Variants in RBFOX1 observed in about 807,000 individuals in gnomAD.
RBFOX1 encodes RNA binding fox-1 homolog 1.
In RBFOX1, 8 loss-of-function variants were observed where a neutral mutation model predicts 57.7. The ratio of observed to expected loss-of-function variants is 0.14; its 90% CI spans 0.08 to 0.25. The LOEUF is 0.25. RBFOX1 is among the 10% of genes least tolerant of loss of function. The pLI is 1.00. For synonymous variants in RBFOX1, 326 were observed against 222.4 expected (o/e 1.47, Z -4.15); for missense variants, 611 against 548.5 (o/e 1.11, Z -1.14).
intron 2 of RBFOX1, among the ~76,000 whole-genome samples, chr16:6,472,537 G>T (rs2095200589): frequency 6.6e-6 from 1 of 152,092 alleles, no homozygotes; most frequent in Non-Finnish European, 1.5e-5. Context: ...GGAGTGAAGG[G>T]ATTTGGGGAA....
At chr16:7,622,795 G>A (rs1449427533) in intron 10 of RBFOX1, among the ~76,000 whole-genome samples, 2 of 152,104 alleles carry the variant, frequency 1.3e-5, no homozygotes, top group Non-Finnish European at 2.9e-5. Context: ...CATTTTTTCT[G>A]CAACATCTGT....
chr16:6,864,928 C>A (rs1567619643), intron 3 of RBFOX1, among the ~76,000 whole-genome samples: 1 of 147,190 alleles, frequency 6.8e-6, no homozygotes, highest in Non-Finnish European at 1.5e-5. Flanking sequence ...AAATCGAAAA[C>A]ACAAAGGTCA....
At chr16:7,119,900 C>T (rs4471694) in intron 4 of RBFOX1, among the ~76,000 whole-genome samples, 137,355 of 152,042 alleles carry the variant, frequency 0.9, 62,242 homozygotes, top group East Asian at 1. Flanking sequence ...GCAGGATGTC[C>T]GTTCTGTTCA....
chr16:6,702,666 A>C, intron 3 of RBFOX1, among the ~76,000 whole-genome samples: 1 of 152,242 alleles, frequency 6.6e-6, no homozygotes, highest in Admixed American at 6.5e-5. Flanking sequence ...GTGACTGGTG[A>C]GAATAATTGC....
intron 4 of RBFOX1, among the ~76,000 whole-genome samples, chr16:7,381,936 C>G (rs1359472692): frequency 6.6e-6 from 1 of 152,176 alleles, no homozygotes; most frequent in Non-Finnish European, 1.5e-5. Flanking sequence ...AAAGATGTCT[C>G]TAGACTTGGC....
At chr16:7,596,987 T>C (rs1252723892) in intron 8 of RBFOX1, among the ~76,000 whole-genome samples, 2 of 152,188 alleles carry the variant, frequency 1.3e-5, no homozygotes, top group Non-Finnish European at 2.9e-5. Flanking sequence ...TCTTCTCTCT[T>C]CTCCACTGCA....
intron 3 of RBFOX1, among the ~76,000 whole-genome samples, chr16:5,620,812 G>A (rs35825183): frequency 0.11 from 16,582 of 151,990 alleles, 1,716 homozygotes; most frequent in East Asian, 0.49. Flanking sequence ...TTGAGTAGCC[G>A]GGACCACAGG....
chr16:5,374,880 C>T (rs1218970102), intron 1 of RBFOX1, among the ~76,000 whole-genome samples: 1 of 151,810 alleles, frequency 6.6e-6, no homozygotes, highest in Non-Finnish European at 1.5e-5. Context: ...ATGTAAGTAC[C>T]TGTATAATAT....
In RBFOX1 at chr16:6,960,855, C is replaced by T. The variant is rs147151178; in HGVS notation, c.-15-91202C>T. 4.3e-3 allele frequency among the ~76,000 whole-genome samples: 653 copies of T among 151,580 alleles called. 7 individuals carry two copies. Among genetic ancestry groups the T allele is most frequent in the Admixed American group, 0.025 (378 of 15,174 alleles). On this transcript the variant is annotated intron_variant, in intron 3 of 15. Transcript: ENST00000550418. ...TCAAAGAGATTAAATGCCTCAGGTCCGGGTGCAGTGGCTCACATCTGTAAT... is the reference window on the plus strand; with the variant it reads ...TCAAAGAGATTAAATGCCTCAGGTCTGGGTGCAGTGGCTCACATCTGTAAT...
At chr16:5,272,612 C>G (rs1031749735) in intron 1 of RBFOX1, among the ~76,000 whole-genome samples, 2 of 152,168 alleles carry the variant, frequency 1.3e-5, no homozygotes, top group African/African-American at 2.4e-5. Flanking sequence ...CTTTCATTTC[C>G]GGGAGCATAC....
intron 2 of RBFOX1, among the ~76,000 whole-genome samples, chr16:6,405,133 C>T (rs779958132): frequency 6.6e-6 from 1 of 152,172 alleles, no homozygotes; most frequent in Non-Finnish European, 1.5e-5. Context: ...TTGCACTCTA[C>T]TCTATAACAT....
chr16:7,611,316 T>C (rs1443279191), intron 10 of RBFOX1, among the ~76,000 whole-genome samples: 1 of 152,230 alleles, frequency 6.6e-6, no homozygotes, highest in East Asian at 1.9e-4. Flanking sequence ...CCAGGCGTGG[T>C]GGCTCACGCC....
At chr16:6,210,236 T>C (rs1485381046) in intron 1 of RBFOX1, among the ~76,000 whole-genome samples, 1 of 149,136 alleles carries the variant, frequency 6.7e-6, no homozygotes, top group Non-Finnish European at 1.5e-5. Flanking sequence ...GAGAATCAAC[T>C]GCACCCAGGA....
At chr16:7,105,461 C>G (rs1391200354) in intron 4 of RBFOX1, among the ~76,000 whole-genome samples, 1 of 152,070 alleles carries the variant, frequency 6.6e-6, no homozygotes, top group Non-Finnish European at 1.5e-5. Flanking sequence ...AATTTGTAGT[C>G]TTTTATCCCT....
rs143799052 is a variant in RBFOX1 at position 7,316,313 on chromosome 16, A to G, written c.28-201834A>G. On this transcript the variant is annotated intron_variant, in intron 4 of 15. Coordinates refer to ENST00000550418, the MANE Select transcript of RBFOX1 (RefSeq NM_018723.4). ...GGTACTATTGGAGAAGAGAAATGCT[A>G]TGTTTTTACCTGTTTGTATAATCTT... 1.2e-4 allele frequency among the ~76,000 whole-genome samples: 18 copies of G among 152,300 alleles called. No individual in the cohort carries two copies. In the East Asian group the frequency reaches 2.7e-3, roughly 23 times the overall value.
At chr16:6,914,830 C>T (rs775810911) in intron 3 of RBFOX1, among the ~76,000 whole-genome samples, 1 of 152,218 alleles carries the variant, frequency 6.6e-6, no homozygotes, top group Non-Finnish European at 1.5e-5. Flanking sequence ...CAAGGCTGCA[C>T]TGAGCCAAGA....
chr16:6,081,287 T>C (rs1165545108), intron 1 of RBFOX1, among the ~76,000 whole-genome samples: 1 of 152,218 alleles, frequency 6.6e-6, no homozygotes, highest in Non-Finnish European at 1.5e-5. Flanking sequence ...TCATCTCTCA[T>C]TGGACAAGGT....
chr16:6,921,926 T>C (rs1300039210), intron 3 of RBFOX1, among the ~76,000 whole-genome samples: 1 of 152,160 alleles, frequency 6.6e-6, no homozygotes, highest in African/African-American at 2.4e-5. Flanking sequence ...TCAGGGATCA[T>C]TGGCAGTCAC....
chr16:7,540,865 C>A (rs190015247), intron 5 of RBFOX1, among the ~76,000 whole-genome samples: 1 of 152,210 alleles, frequency 6.6e-6, no homozygotes, highest in East Asian at 1.9e-4. Flanking sequence ...TTCCTTAAAC[C>A]CTAAACTCCT....
Sources: allele counts gnomAD v4.1 joint callset (sites outside exome capture counted in the v4.1 genomes callset), GRCh38; gene constraint gnomAD v4.1.1; transcripts MANE v1.5; gene names NCBI Gene and HGNC (gene_info 2026-07-23, HGNC 2026-07-21).